NAA25: variants seen among roughly 807,000 people sequenced by gnomAD.
NAA25 encodes the protein N-terminal acetyltransferase B complex subunit NAA25.
A neutral mutation model predicts 132.5 loss-of-function variants in NAA25; 30 were observed. That is an observed-to-expected ratio of 0.23 (90% CI 0.17 to 0.31). The LOEUF (loss-of-function observed/expected upper bound fraction) is 0.31. Ranked by LOEUF, NAA25 falls within the 10% of genes least tolerant of loss-of-function variation. NAA25 has a pLI of 1.00. For synonymous variants in NAA25, 359 were observed against 401.9 expected (o/e 0.89, Z 1.28); for missense variants, 771 against 1,150.4 (o/e 0.67, Z 4.77).
chr12:112,101,271 C>T (rs141224830), intron 1 of NAA25, among the ~76,000 whole-genome samples: 52 of 152,288 alleles, frequency 3.4e-4, no homozygotes, highest in Admixed American at 9.8e-4. Flanking sequence ...GTGATGTGTA[C>T]TGTCATTTCA....
intron 1 of NAA25, among the ~76,000 whole-genome samples, chr12:112,108,439 G>A (rs2079397716): frequency 6.6e-6 from 1 of 152,230 alleles, no homozygotes; most frequent in Non-Finnish European, 1.5e-5. Context: ...GGTAGCGCAG[G>A]TGTCTGCAGA....
At chr12:112,031,034 C>T (rs1365654922) in intron 23 of NAA25, among the ~76,000 whole-genome samples, 1 of 152,004 alleles carries the variant, frequency 6.6e-6, no homozygotes, top group Non-Finnish European at 1.5e-5. Context: ...CAGCCTTGGG[C>T]CTCCCAAAGT....
chr12:112,044,259 G>A (rs1280272537), intron 17 of NAA25, among the ~76,000 whole-genome samples: 2 of 151,868 alleles, frequency 1.3e-5, no homozygotes, highest in Non-Finnish European at 2.9e-5. Context: ...ACTTTCACCA[G>A]TTAAGATGCC....
intron 9 of NAA25, among the ~76,000 whole-genome samples, chr12:112,074,341 CAAAAAAAAA>C (rs34077129): frequency 1.4e-4 from 5 of 34,908 alleles, no homozygotes; most frequent in African/African-American, 4.2e-4. Context: ...AACTCCATCT[CAAAAAAAAA>C]AAAAAAAAAA....
chr12:112,076,148 G>T (rs2078893072), intron 7 of NAA25, among the ~76,000 whole-genome samples: 1 of 152,092 alleles, frequency 6.6e-6, no homozygotes, highest in Non-Finnish European at 1.5e-5. Flanking sequence ...CTCCCAGAGT[G>T]CTGGGATTAC....
At chr12:112,060,154 G>T in intron 13 of NAA25, 116 bp downstream of exon 13, 2 of 729,938 alleles carry the variant, frequency 2.7e-6, no homozygotes, top group Non-Finnish European at 4.6e-6. Flanking sequence ...AAGAAAAGCA[G>T]AACCTAAAAG....
intron 1 of NAA25, among the ~76,000 whole-genome samples, chr12:112,103,817 TCAGGCATTAGTTAGAGTCTCATAA>T (rs2136949361): frequency 6.6e-6 from 1 of 152,258 alleles, no homozygotes; most frequent in Admixed American, 6.5e-5. Context: ...ACCTCAGATA[TCAGGCATTAGTTAGAGTCTCATAA>T]GGAGCGCCAA....
intron 9 of NAA25, among the ~76,000 whole-genome samples, chr12:112,074,296 G>A (rs948114366): frequency 5.0e-5 from 7 of 140,974 alleles, no homozygotes; most frequent in African/African-American, 1.1e-4. Context: ...AGCCAAGATC[G>A]TGCCATTGCA....
chr12:112,065,729 T>C (rs1156678054), intron 11 of NAA25: 2 of 151,852 alleles, frequency 1.3e-5, no homozygotes, highest in South Asian at 2.1e-4. Context: ...CCAAAGCAAA[T>C]GAAACAAAAG....
At chr12:112,085,664 A>T (rs1353050607) in intron 4 of NAA25, among the ~76,000 whole-genome samples, 1 of 152,132 alleles carries the variant, frequency 6.6e-6, no homozygotes, top group Non-Finnish European at 1.5e-5. Context: ...ATAATCTTAC[A>T]AATAAAAATG....
intron 19 of NAA25, 196 bp from the exon 20 acceptor site, chr12:112,042,300 A>G: frequency 3.2e-6 from 1 of 308,102 alleles, no homozygotes; most frequent in East Asian, 6.0e-5. Context: ...GAAAGGCACT[A>G]ATTACCTTTT....
At chr12:112,084,270 G>A (rs1235112407) in intron 4 of NAA25, among the ~76,000 whole-genome samples, 2 of 152,148 alleles carry the variant, frequency 1.3e-5, no homozygotes. Context: ...ACCTCCACGA[G>A]TTTATACAAA....
At chr12:112,079,967 A>T (rs1428009715) in intron 5 of NAA25, among the ~76,000 whole-genome samples, 1 of 152,052 alleles carries the variant, frequency 6.6e-6, no homozygotes, top group Non-Finnish European at 1.5e-5. Context: ...CCACAAATAA[A>T]CTGATATACC....
intron 2 of NAA25, among the ~76,000 whole-genome samples, chr12:112,092,247 G>A (rs4767377): frequency 0.075 from 10,140 of 135,252 alleles, 1,373 homozygotes; most frequent in East Asian, 0.62. Context: ...TCTCAAAAAA[G>A]AAAAAAAAAA....
At chr12:112,036,959 C>G (rs1273748204) in intron 22 of NAA25, among the ~76,000 whole-genome samples, 1 of 151,844 alleles carries the variant, frequency 6.6e-6, no homozygotes, top group Non-Finnish European at 1.5e-5. Flanking sequence ...GCAGTGAACC[C>G]CAATAGCAAT....
rs556159862 is a variant in NAA25 at position 112,028,835 on chromosome 12, G to C, written c.*696C>G. On this transcript the variant is annotated 3_prime_UTR_variant, in exon 24 of 24. Transcript: ENST00000261745. ...CTCTAAACAGCTATAAATTAACAGAGCCTTCCTTGCCTTCTTACCTGAGAT... is the reference window on the plus strand; with the variant it reads ...CTCTAAACAGCTATAAATTAACAGACCCTTCCTTGCCTTCTTACCTGAGAT... The C allele has an allele frequency of 6.6e-6, 1 of 152,266 alleles. No individual in the cohort carries two copies. Among genetic ancestry groups the C allele is most frequent in the East Asian group, 1.9e-4 (1 of 5,180 alleles). The allele number at this position is 152,266 out of a possible 1,614,324, so 9.4% of individuals were successfully genotyped here.
chr12:112,064,224 T>C (rs2078679696), intron 11 of NAA25: 1 of 152,214 alleles, frequency 6.6e-6, no homozygotes, highest in African/African-American at 2.4e-5. Flanking sequence ...TTTCATGTTT[T>C]TGTTGTTGTT....
chr12:112,073,913 T>A (rs935599567), intron 9 of NAA25, among the ~76,000 whole-genome samples: 6 of 151,702 alleles, frequency 4.0e-5, no homozygotes, highest in Non-Finnish European at 1.5e-5. Flanking sequence ...CTTAAGCCAC[T>A]GGGGGGAAAA....
chr12:112,080,944 G>C, intron 5 of NAA25, 116 bp downstream of exon 5: 1 of 856,644 alleles, frequency 1.2e-6, no homozygotes, highest in Non-Finnish European at 2.0e-6. Context: ...CTCCTGCCTG[G>C]GTGACAGCGT....
Sources: gnomAD v4.1 joint callset for allele counts (sites outside exome capture counted in the v4.1 genomes callset) on GRCh38, gnomAD v4.1.1 for gene constraint, MANE v1.5 for transcripts, NCBI Gene and HGNC (gene_info 2026-07-23, HGNC 2026-07-21) for gene names.